The following ZNF141 variants were observed in gnomAD, a reference collection of about 807,000 sequenced individuals.
ZNF141 encodes the protein zinc finger protein 141 (clone pHZ-44).
ZNF141 carries 7 observed loss-of-function variants against 11.3 expected under a neutral mutation model. That is an observed-to-expected ratio of 0.62 (90% CI 0.35 to 1.16). The LOEUF (loss-of-function observed/expected upper bound fraction) is 1.16, where lower values mean the gene tolerates loss of function less well. Ranked by LOEUF, ZNF141 falls within the 50% of genes most tolerant of loss-of-function variation. The pLI is 0.02. For missense variants in ZNF141, 535 were observed against 554.0 expected (o/e 0.97, Z 0.34); for synonymous variants, 183 against 190.7 (o/e 0.96, Z 0.33).
intron 3 of ZNF141, 142 bp downstream of exon 3, chr4:344,572 G>C (rs1721229839): frequency 3.6e-6 from 2 of 555,770 alleles, no homozygotes; most frequent in African/African-American, 3.9e-5. Context: ...GAGGCAGGCG[G>C]ATCACGAGGT....
chr4:338,961 G>A (rs1431046276), intron 1 of ZNF141, among the ~76,000 whole-genome samples: 1 of 152,236 alleles, frequency 6.6e-6, no homozygotes, highest in Non-Finnish European at 1.5e-5. Context: ...GCACTGTTCT[G>A]TTCCTCCAGG....
In ZNF141 at chr4:372,723, C is replaced by G. The variant is rs782396066; in HGVS notation, c.286C>G (p.His96Asp). 6.2e-7 allele frequency: 1 copy of G among 1,608,796 alleles called. No individual in the cohort carries two copies. Among genetic ancestry groups the G allele is most frequent in the Non-Finnish European group, 8.5e-7 (1 of 1,177,164 alleles). ...WPVQGIEDSF[H>D]KLILRRYEKC... is the part of the protein sequence containing the mutation. ...AGTGCAGGGCATAGAAGATTCATTC[C>G]ACAAACTTATACTGAGAAGATATGA... Residue 96 changes from histidine (H) to aspartate (D), a missense_variant, in exon 4 of 4, where the codon CAC (histidine) becomes GAC (aspartate). His to Asp is a moderately conservative substitution (Grantham distance 81, BLOSUM62 -1). Coordinates refer to ENST00000240499, the MANE Select transcript of ZNF141 (RefSeq NM_003441.4).
At chr4:365,090 G>A (rs60333530) in intron 3 of ZNF141, among the ~76,000 whole-genome samples, 22,124 of 152,198 alleles carry the variant, frequency 0.15, 2,226 homozygotes, top group African/African-American at 0.28. Flanking sequence ...ATCTCAGACT[G>A]CTGTGCTAGC....
chr4:370,389 A>AT (rs1202109191), intron 3 of ZNF141, among the ~76,000 whole-genome samples: 3 of 150,832 alleles, frequency 2.0e-5, no homozygotes, highest in African/African-American at 4.9e-5. Flanking sequence ...ATAGTTCAGC[A>AT]TTTTTTTTTA....
chr4:348,745 C>G (rs1553850010), intron 3 of ZNF141, among the ~76,000 whole-genome samples: 1 of 145,770 alleles, frequency 6.9e-6, no homozygotes, highest in African/African-American at 2.5e-5. Context: ...AAAAAAAAAA[C>G]AAGTATGATG....
chr4:368,416 AT>A (rs1581620167), intron 3 of ZNF141, among the ~76,000 whole-genome samples: 1 of 151,946 alleles, frequency 6.6e-6, no homozygotes. Flanking sequence ...TAATTTTTGT[AT>A]TTTTAGTAGA....
At chr4:347,358 G>C (rs1354420980) in intron 3 of ZNF141, among the ~76,000 whole-genome samples, 1 of 47,868 alleles carries the variant, frequency 2.1e-5, no homozygotes, top group Non-Finnish European at 3.9e-5. Context: ...TTTTTTTTTT[G>C]AGACTGAGTC....
intron 3 of ZNF141, among the ~76,000 whole-genome samples, chr4:358,910 C>A (rs1721982292): frequency 6.6e-6 from 1 of 152,084 alleles, no homozygotes; most frequent in Admixed American, 6.6e-5. Flanking sequence ...ACTTTGAATT[C>A]TCTGTTAGAC....
chr4:359,719 C>T (rs1722020366), intron 3 of ZNF141, among the ~76,000 whole-genome samples: 1 of 152,160 alleles, frequency 6.6e-6, no homozygotes, highest in Admixed American at 6.5e-5. Context: ...GGAAAAACTC[C>T]TCCTGGATTT....
At chr4:348,467 C>G (rs1346418556) in intron 3 of ZNF141, among the ~76,000 whole-genome samples, 1 of 152,072 alleles carries the variant, frequency 6.6e-6, no homozygotes, top group Non-Finnish European at 1.5e-5. Flanking sequence ...AATCCCAGCA[C>G]CTTGGGAGGC....
chr4:357,707 C>CT lies in ZNF141; in HGVS notation c.226+13294dup, dbSNP rs572493320. Among the ~76,000 whole-genome samples, 1,146 of 132,550 alleles carry CT rather than the reference C, an allele frequency of 8.6e-3. 6 individuals carry two copies. The highest frequency in any genetic ancestry group is 9.8e-3 in the Non-Finnish European group (605 of 61,530). The allele number at this position is 132,550 out of a possible 152,430, so 87.0% of individuals were successfully genotyped here. On this transcript the variant is annotated intron_variant, in intron 3 of 3. Coordinates refer to ENST00000240499, the MANE Select transcript of ZNF141 (RefSeq NM_003441.4). ...AGTCACTCTTTCTTTTTTCTTTTTT[C>CT]TTTTTTTTTTTTTTTTTGAGACAGA...
At chr4:370,862 C>G (rs1712021171) in intron 3 of ZNF141, among the ~76,000 whole-genome samples, 1 of 151,962 alleles carries the variant, frequency 6.6e-6, no homozygotes, top group Non-Finnish European at 1.5e-5. Context: ...TCCCGCATAG[C>G]TGGGACTACA....
Position 381,225 on chromosome 4 carries a change from C to T in ZNF141, c.*7363C>T, listed in dbSNP as rs1403108533. On this transcript the variant is annotated 3_prime_UTR_variant, in exon 4 of 4. Transcript: ENST00000240499. Reference sequence around the variant, plus strand: ...CTTTGTGCCTGTTTCTCAGTTTTGCCTAAATGCTACCAATTATCTTACACT... The same window carrying T: ...CTTTGTGCCTGTTTCTCAGTTTTGCTTAAATGCTACCAATTATCTTACACT... 6.6e-6 allele frequency among the ~76,000 whole-genome samples: 1 copy of T among 151,918 alleles called. No individual in the cohort carries two copies. Among genetic ancestry groups the T allele is most frequent in the East Asian group, 1.9e-4 (1 of 5,182 alleles).
chr4:338,005 G>C lies in ZNF141; in HGVS notation c.3+19G>C. ...GGAAATGGTGAGTGTGCGGGGCAGG[G>C]CGTCCCAAGGCTGAGGAGGTCTCAT... On this transcript the variant is annotated intron_variant, in intron 1 of 3. Coordinates refer to ENST00000240499, the MANE Select transcript of ZNF141 (RefSeq NM_003441.4). 6.2e-7 allele frequency: 1 copy of C among 1,613,100 alleles called. No homozygotes were observed. The highest frequency in any genetic ancestry group is 8.5e-7 in the Non-Finnish European group (1 of 1,179,346).
chr4:362,554 T>C (rs1711543210), intron 3 of ZNF141, among the ~76,000 whole-genome samples: 3 of 152,344 alleles, frequency 2.0e-5, no homozygotes, highest in Admixed American at 1.3e-4. Context: ...TTAATTTTTG[T>C]ATAAGGCGTA....
At chr4:360,529 A>G (rs541679053) in intron 3 of ZNF141, among the ~76,000 whole-genome samples, 19 of 152,224 alleles carry the variant, frequency 1.2e-4, no homozygotes, top group Admixed American at 3.9e-4. Flanking sequence ...TCAATATTTT[A>G]TAGGTCAGAA....
At chr4:357,535 G>C (rs1721900259) in intron 3 of ZNF141, among the ~76,000 whole-genome samples, 1 of 151,792 alleles carries the variant, frequency 6.6e-6, no homozygotes, top group South Asian at 2.1e-4. Flanking sequence ...TCATAAAACT[G>C]AATGTCTATT....
chr4:383,345 G>A lies in ZNF141; in HGVS notation c.*9483G>A, dbSNP rs1317221365. 1 of 568,554 alleles carries A rather than the reference G, an allele frequency of 1.8e-6. No individual in the cohort carries two copies. Among genetic ancestry groups the A allele is most frequent in the African/African-American group, 1.9e-5 (1 of 53,196 alleles). The allele number at this position is 568,554 out of a possible 1,614,324, so 35.2% of individuals were successfully genotyped here. On this transcript the variant is annotated 3_prime_UTR_variant, in exon 4 of 4. Coordinates refer to ENST00000240499, the MANE Select transcript of ZNF141 (RefSeq NM_003441.4). ...TTTCGGGATTGTTATGCAGTTATAAGTTAGTAATATATACACCCATTAAAG... is the reference window on the plus strand; with the variant it reads ...TTTCGGGATTGTTATGCAGTTATAAATTAGTAATATATACACCCATTAAAG...
chr4:368,015 TA>T (rs1711832858), intron 3 of ZNF141, among the ~76,000 whole-genome samples: 1 of 152,196 alleles, frequency 6.6e-6, no homozygotes, highest in African/African-American at 2.4e-5. Context: ...TCATACACAT[TA>T]AACAACTACC....
Sources: gnomAD v4.1 joint callset for allele counts (sites outside exome capture counted in the v4.1 genomes callset) on GRCh38, gnomAD v4.1.1 for gene constraint, MANE v1.5 for transcripts, NCBI Gene and HGNC (gene_info 2026-07-23, HGNC 2026-07-21) for gene names.